The following CIMIP6 variants were observed in gnomAD, a reference collection of about 807,000 sequenced individuals.
The protein encoded by CIMIP6 is uncharacterized protein C2orf73.
the CIMIP6 span, among the ~76,000 whole-genome samples, chr2:54,384,014 G>T: frequency 6.6e-6 from 1 of 152,146 alleles, no homozygotes; most frequent in Admixed American, 6.6e-5. Flanking sequence ...TCAGCTTCTA[G>T]AACTATGAGC....
At chr2:54,331,137 G>A in the CIMIP6 span, 3 of 792,978 alleles carry the variant, frequency 3.8e-6, no homozygotes, top group Non-Finnish European at 6.1e-6. Flanking sequence ...CCAGTTGGCT[G>A]AGCGCTTACA....
the CIMIP6 span, among the ~76,000 whole-genome samples, chr2:54,345,431 T>C: frequency 6.6e-6 from 1 of 152,208 alleles, no homozygotes; most frequent in African/African-American, 2.4e-5. Context: ...GCTTTCCTTC[T>C]GGTATAGGGA....
chr2:54,331,170 G>T, the CIMIP6 span, among the ~76,000 whole-genome samples: 1 of 152,268 alleles, frequency 6.6e-6, no homozygotes, highest in East Asian at 1.9e-4. Flanking sequence ...AAAACGCACC[G>T]TTTACTGAGC....
chr2:54,344,659 G>A, the CIMIP6 span, among the ~76,000 whole-genome samples: 81 of 152,258 alleles, frequency 5.3e-4, no homozygotes, highest in African/African-American at 1.9e-3. Flanking sequence ...CTAGAGCCCA[G>A]TGTCTTAGCC....
At chr2:54,353,846 C>T in the CIMIP6 span, among the ~76,000 whole-genome samples, 11 of 152,236 alleles carry the variant, frequency 7.2e-5, no homozygotes, top group African/African-American at 1.9e-4. Context: ...TGTCTTTCAT[C>T]GAGCAGTTCT....
the CIMIP6 span, among the ~76,000 whole-genome samples, chr2:54,373,462 C>T: frequency 3.3e-5 from 5 of 152,258 alleles, no homozygotes; most frequent in Middle Eastern, 3.4e-3. Context: ...TCCTATCCTT[C>T]CCTGGTTTGT....
At chr2:54,334,965 G>A in the CIMIP6 span, 2 of 1,604,716 alleles carry the variant, frequency 1.2e-6, no homozygotes, top group Non-Finnish European at 1.7e-6. Context: ...TAACACAAAT[G>A]CAAGAACATA....
chr2:54,346,988 A>T, the CIMIP6 span, among the ~76,000 whole-genome samples: 1 of 152,268 alleles, frequency 6.6e-6, no homozygotes, highest in Non-Finnish European at 1.5e-5. Context: ...GACAGAGAAT[A>T]TAACTCAGAC....
the CIMIP6 span, among the ~76,000 whole-genome samples, chr2:54,382,267 T>C: frequency 6.6e-6 from 1 of 152,180 alleles, no homozygotes; most frequent in African/African-American, 2.4e-5. Flanking sequence ...TAAGAGTAAA[T>C]ATTCAAGAGA....
At chr2:54,376,650 G>A in the CIMIP6 span, among the ~76,000 whole-genome samples, 59 of 152,138 alleles carry the variant, frequency 3.9e-4, 2 homozygotes, top group South Asian at 0.012. Flanking sequence ...ACACTCATTG[G>A]TGCAGTGGGC....
the CIMIP6 span, among the ~76,000 whole-genome samples, chr2:54,366,334 T>G: frequency 6.6e-6 from 1 of 152,178 alleles, no homozygotes; most frequent in Non-Finnish European, 1.5e-5. Flanking sequence ...CAAGGATCCT[T>G]GAGCCCCTGA....
chr2:54,336,523 C>T, the CIMIP6 span, among the ~76,000 whole-genome samples: 2 of 152,140 alleles, frequency 1.3e-5, no homozygotes, highest in African/African-American at 4.8e-5. Flanking sequence ...AATTGTCCCT[C>T]TCATAGGGTT....
At chr2:54,334,364 A>G in the CIMIP6 span, among the ~76,000 whole-genome samples, 1 of 150,510 alleles carries the variant, frequency 6.6e-6, no homozygotes, top group Admixed American at 6.6e-5. Context: ...AGTTTGCCAG[A>G]CAAACTTTTA....
At chr2:54,335,954 C>G in the CIMIP6 span, among the ~76,000 whole-genome samples, 1 of 152,058 alleles carries the variant, frequency 6.6e-6, no homozygotes, top group Non-Finnish European at 1.5e-5. Context: ...TTATAAGGAC[C>G]CTTGTGATTA....
chr2:54,340,633 C>G, the CIMIP6 span, among the ~76,000 whole-genome samples: 1 of 152,288 alleles, frequency 6.6e-6, no homozygotes, highest in East Asian at 1.9e-4. Context: ...AGAACACTTT[C>G]ACAAACTGCA....
chr2:54,358,516 C>T, the CIMIP6 span, among the ~76,000 whole-genome samples: 1 of 152,084 alleles, frequency 6.6e-6, no homozygotes, highest in African/African-American at 2.4e-5. Context: ...ATCCTCCCAC[C>T]TCAGCCTTCC....
chr2:54,365,883 T>C, the CIMIP6 span, among the ~76,000 whole-genome samples: 32 of 152,294 alleles, frequency 2.1e-4, 1 homozygote, highest in South Asian at 6.4e-3. Context: ...AATTGGAAGA[T>C]AGGACTGAAG....
the CIMIP6 span, chr2:54,360,252 C>G: frequency 1.2e-6 from 2 of 1,609,142 alleles, no homozygotes; most frequent in African/African-American, 2.7e-5. Context: ...AGTAGGCCAA[C>G]AGTTCCTAAA....
the CIMIP6 span, among the ~76,000 whole-genome samples, chr2:54,378,919 A>G: frequency 6.6e-6 from 1 of 152,198 alleles, no homozygotes; most frequent in Non-Finnish European, 1.5e-5. Context: ...AGGGATTTAA[A>G]ATGTCTTATT....
Sources: gnomAD v4.1 joint callset for allele counts (sites outside exome capture counted in the v4.1 genomes callset) on GRCh38, gnomAD v4.1.1 for gene constraint, MANE v1.5 for transcripts, NCBI Gene and HGNC (gene_info 2026-07-23, HGNC 2026-07-21) for gene names.